Variants in INSIG1 observed in about 807,000 individuals in gnomAD.
INSIG1 encodes insulin-induced gene 1 protein.
A neutral mutation model predicts 26.5 loss-of-function variants in INSIG1; 14 were observed. The observed-to-expected ratio is 0.53, with a 90% CI of 0.35 to 0.83. INSIG1 has a LOEUF of 0.83. Ranked by LOEUF, INSIG1 falls within the 40% of genes least tolerant of loss-of-function variation. INSIG1 has a pLI of 0.01. For missense variants in INSIG1, 272 were observed against 368.9 expected, an observed-to-expected ratio of 0.74 and a Z score of 2.15; for synonymous variants, 147 against 153.3, an observed-to-expected ratio of 0.96 and a Z score of 0.30.
At chr7:155,301,724 T>C (rs776343420) in intron 3 of INSIG1, 34 bp downstream of exon 3, 4 of 1,505,606 alleles carry the variant, frequency 2.7e-6, no homozygotes, top group Non-Finnish European at 3.6e-6. Context: ...GTCCAGAGTA[T>C]CTTCTTAGGT....
chr7:155,298,830 G>A (rs979574974), intron 2 of INSIG1, 133 bp downstream of exon 2: 1 of 980,920 alleles, frequency 1.0e-6, no homozygotes, highest in Non-Finnish European at 1.5e-6. Context: ...TCCAGTCTTG[G>A]GATTTAGAGA....
rs1416468990 is a variant in INSIG1 at position 155,298,660 on chromosome 7, C to T, written c.375C>T (p.Ser125=). Residue 125 remains serine (S), a synonymous_variant, in exon 2 of 6, where the codon TCC becomes TCT. Transcript: ENST00000340368. ...PEEVIATIFS[S]AWWVPPCCGT... ...AGGTGATCGCCACCATCTTTTCCTC[C>T]GCCTGGTGGGTCCCTCCCTGCTGCG... 6.2e-7 allele frequency: 1 copy of T among 1,612,654 alleles called. No homozygotes were observed. Among genetic ancestry groups the T allele is most frequent in the Admixed American group, 1.7e-5 (1 of 60,022 alleles).
At chr7:155,301,364 TA>T (rs142685367) in intron 2 of INSIG1, among the ~76,000 whole-genome samples, 3,095 of 152,270 alleles carry the variant, frequency 0.02, 110 homozygotes, top group African/African-American at 0.071. Flanking sequence ...TAGTGATTTT[TA>T]AAAAACTTTT....
rs1228053691 is a variant in INSIG1, at chr7:155,308,475, C to G, written c.*205C>G. On this transcript the variant is annotated 3_prime_UTR_variant, in exon 6 of 6. Transcript: ENST00000340368. The stretch of plus-strand genomic sequence containing the variant: ...ACCCTGAAGTCTTCCCTTGACTGCC[C>G]GCACTGGCGCCTGTCTGTGCCCTGG... 1 of 651,798 alleles carries G rather than the reference C, an allele frequency of 1.5e-6. No homozygotes were observed. The highest frequency in any genetic ancestry group is 2.8e-6 in the Non-Finnish European group (1 of 362,100). The allele number at this position is 651,798 out of a possible 1,614,324, so 40.4% of individuals were successfully genotyped here.
rs1425320220 is a variant in INSIG1 at position 155,309,193 on chromosome 7, C to T, written c.*923C>T. On this transcript the variant is annotated 3_prime_UTR_variant, in exon 6 of 6. Transcript: ENST00000340368. ...AGAGTGCATATGGCACTGCATTAAACGTGTGGTGTTTCTAGTCAATGATAT... is the reference window on the plus strand; with the variant it reads ...AGAGTGCATATGGCACTGCATTAAATGTGTGGTGTTTCTAGTCAATGATAT... 1.3e-5 allele frequency: 2 copies of T among 152,532 alleles called. No individual in the cohort carries two copies. The highest frequency in any genetic ancestry group is 4.8e-5 in the African/African-American group (2 of 41,436). The allele number at this position is 152,532 out of a possible 1,614,324, so 9.4% of individuals were successfully genotyped here. A position where few individuals can be genotyped will look rare whatever the true frequency, so the allele number is the denominator to read the frequency against.
intron 2 of INSIG1, 120 bp downstream of exon 2, chr7:155,298,817 A>C: frequency 9.8e-7 from 1 of 1,021,844 alleles, no homozygotes; most frequent in African/African-American, 1.6e-5. Context: ...GAAAGTGTGC[A>C]TCTCCAGTCT....
In INSIG1 at chr7:155,308,562, T is replaced by C; in HGVS notation, c.*292T>C. On this transcript the variant is annotated 3_prime_UTR_variant, in exon 6 of 6. Coordinates refer to ENST00000340368, the MANE Select transcript of INSIG1 (RefSeq NM_005542.6). ...GCAGCTTCCCAAGTATTCGATTTCA[T>C]TCATGTGATTAAAACAAGTTGCCAT... is the stretch of plus-strand genomic sequence containing the variant. The C allele has an allele frequency of 2.4e-6, 1 of 414,826 alleles. No homozygotes were observed. The highest frequency in any genetic ancestry group is 4.5e-6 in the Non-Finnish European group (1 of 224,224). 25.7% of individuals were successfully genotyped at this position (414,826 alleles called of 1,614,324 possible).
Position 155,302,924 on chromosome 7 carries a change from A to G in INSIG1, c.804+78A>G. 4 of 983,078 alleles carry G rather than the reference A, an allele frequency of 4.1e-6. No individual in the cohort carries two copies. Among genetic ancestry groups the G allele is most frequent in the Non-Finnish European group, 6.5e-6 (4 of 619,440 alleles). 60.9% of individuals were successfully genotyped at this position (983,078 alleles called of 1,614,324 possible). On this transcript the variant is annotated intron_variant, in intron 5 of 5. Coordinates refer to ENST00000340368, the MANE Select transcript of INSIG1 (RefSeq NM_005542.6). This position sits in a 1 kb window ranked among gnomAD's most constrained non-coding sequence, Gnocchi z 4.3. ...AGAATGACTTTACATGATACATTCA[A>G]ATTTGCGTTCATATATTCTGGTTCA...
chr7:155,300,043 A>T (rs12111603), intron 2 of INSIG1, among the ~76,000 whole-genome samples: 65,644 of 152,018 alleles, frequency 0.43, 15,774 homozygotes, highest in Non-Finnish European at 0.54. Flanking sequence ...GAGGGACGGG[A>T]TCCTCTTTCG....
chr7:155,305,145 C>CAA (rs34325240), intron 5 of INSIG1, among the ~76,000 whole-genome samples: 980 of 80,066 alleles, frequency 0.012, 10 homozygotes, highest in African/African-American at 0.04. Flanking sequence ...GACTCTGTCT[C>CAA]AAAAAAAAAA....
At chr7:155,306,803 A>G (rs1379080653) in intron 5 of INSIG1, among the ~76,000 whole-genome samples, 1 of 145,158 alleles carries the variant, frequency 6.9e-6, no homozygotes, top group Non-Finnish European at 1.6e-5. Context: ...CCCTTTCAAC[A>G]CATAGCTCGC....
At position 155,302,196 on chromosome 7, in the gene INSIG1, GT is replaced by G; in HGVS notation, c.538-48del. 7.0e-7 allele frequency: 1 copy of G among 1,424,586 alleles called. No homozygotes were observed. Among genetic ancestry groups the G allele is most frequent in the Non-Finnish European group, 9.4e-7 (1 of 1,062,692 alleles). The allele number at this position is 1,424,586 out of a possible 1,614,324, so 88.2% of individuals were successfully genotyped here. On this transcript the variant is annotated intron_variant, in intron 3 of 5. Transcript: ENST00000340368. This position sits in a 1 kb window ranked among gnomAD's most constrained non-coding sequence, Gnocchi z 4.3. ...ATGTTTTTAACCCTTGTGGTTTTAC[GT>G]TTTTTTATCTTAATAAGAGTCAGCA...
In INSIG1 at chr7:155,305,482, C is replaced by G. The variant is rs116797244; in HGVS notation, c.804+2636C>G. Among the ~76,000 whole-genome samples the G allele has an allele frequency of 2.5e-3, 387 of 152,298 alleles. 2 individuals are homozygous for G. The highest frequency in any genetic ancestry group is 8.9e-3 in the African/African-American group (370 of 41,550). ...AGGGCAGCCTTCCCCACATTCCACT[C>G]TTGTCATACTGTTGACTCACAAAAT... is the stretch of plus-strand genomic sequence containing the variant. On this transcript the variant is annotated intron_variant, in intron 5 of 5. Coordinates refer to ENST00000340368, the MANE Select transcript of INSIG1 (RefSeq NM_005542.6).
At chr7:155,303,060 A>T (rs1473646474) in intron 5 of INSIG1, 1 of 440,920 alleles carries the variant, frequency 2.3e-6, no homozygotes, top group Admixed American at 3.5e-5. Context: ...CTAGAAAAGG[A>T]ACTAGAGCCC....
At chr7:155,307,146 A>C (rs1453418240) in intron 5 of INSIG1, among the ~76,000 whole-genome samples, 11 of 152,198 alleles carry the variant, frequency 7.2e-5, no homozygotes, top group Admixed American at 7.2e-4. Context: ...CCCAGTGTTC[A>C]TATCTAAAAA....
intron 2 of INSIG1, among the ~76,000 whole-genome samples, chr7:155,299,143 A>G (rs1797717210): frequency 6.6e-6 from 1 of 152,252 alleles, no homozygotes; most frequent in Admixed American, 6.5e-5. Context: ...CAAACCCGTC[A>G]CATGGGTTCA....
In INSIG1 at chr7:155,307,972, G is replaced by A. The variant is rs1029302728; in HGVS notation, c.805-269G>A. Among the ~76,000 whole-genome samples the A allele has an allele frequency of 6.6e-5, 10 of 152,248 alleles. No homozygotes were observed. The East Asian group carries it at 9.6e-4, about 15-fold the overall frequency. On this transcript the variant is annotated intron_variant, in intron 5 of 5. Coordinates refer to ENST00000340368, the MANE Select transcript of INSIG1 (RefSeq NM_005542.6). ...GGCTTTATATAAGGGCCTCAGCAGC[G>A]TAATTTCACCTGAGGCAGAGAATTA... is the stretch of plus-strand genomic sequence containing the variant.
intron 2 of INSIG1, 71 bp downstream of exon 2, chr7:155,298,768 T>C (rs754766497): frequency 5.5e-5 from 75 of 1,365,264 alleles, no homozygotes; most frequent in Non-Finnish European, 7.4e-5. Context: ...TTTCAGCCTA[T>C]AAGAAACATG....
chr7:155,309,558 TG>T lies in INSIG1; in HGVS notation c.*1290del, dbSNP rs1267721826. ...TTGTATTTTGCAATTTACATGTGTT[TG>T]GTTTGTTTTAAATTCTGTGAAAGTG... On this transcript the variant is annotated 3_prime_UTR_variant, in exon 6 of 6. Transcript: ENST00000340368. 1 of 152,372 alleles carries T rather than the reference TG, an allele frequency of 6.6e-6. No homozygotes were observed. Among genetic ancestry groups the T allele is most frequent in the African/African-American group, 2.4e-5 (1 of 41,456 alleles). 9.4% of individuals were successfully genotyped at this position (152,372 alleles called of 1,614,324 possible). A position where few individuals can be genotyped will look rare whatever the true frequency, so the allele number is the denominator to read the frequency against.
Sources: allele counts gnomAD v4.1 joint callset (sites outside exome capture counted in the v4.1 genomes callset), GRCh38; gene constraint gnomAD v4.1.1; non-coding constraint Gnocchi (gnomAD v3.1); transcripts MANE v1.5; gene names NCBI Gene and HGNC (gene_info 2026-07-23, HGNC 2026-07-21).